The following P2RX7 variants were observed in gnomAD, a reference collection of about 807,000 sequenced individuals.
P2RX7 encodes the protein purinergic receptor P2X 7, also known as P2X purinoceptor 7.
P2RX7 carries 62 observed loss-of-function variants against 71.6 expected under a neutral mutation model. The observed-to-expected ratio is 0.87, with a 90% CI of 0.71 to 1.07. The LOEUF (loss-of-function observed/expected upper bound fraction) is 1.07, where lower values mean the gene tolerates loss of function less well. Among genes scored for constraint, P2RX7 ranks in the 50% least tolerant of loss-of-function variants. The pLI, the probability that P2RX7 is intolerant of heterozygous loss-of-function variation, is 0.00. For synonymous variants in P2RX7, 299 were observed against 283.3 expected (o/e 1.06, Z -0.56); for missense variants, 686 against 748.5 (o/e 0.92, Z 0.97).
rs367612674 is a variant in P2RX7 at position 121,172,498 on chromosome 12, G to A, written c.882-2890G>A. 2.0e-5 allele frequency among the ~76,000 whole-genome samples: 3 copies of A among 152,144 alleles called. No homozygotes were observed. The East Asian group carries it at 5.8e-4, about 29-fold the overall frequency. The stretch of plus-strand genomic sequence containing the variant: ...ATTTTAAAAATTAGTCGGGTGTAAT[G>A]GTTTGCACCTGTAGTCCCAGCTGCC... On this transcript the variant is annotated intron_variant, in intron 8 of 12. Coordinates refer to ENST00000328963, the MANE Select transcript of P2RX7 (RefSeq NM_002562.6).
chr12:121,161,409 T>C (rs986055814), intron 4 of P2RX7, among the ~76,000 whole-genome samples: 2 of 152,190 alleles, frequency 1.3e-5, no homozygotes, highest in Admixed American at 1.3e-4. Context: ...TGCACTGTTT[T>C]ATTTTGATTT....
chr12:121,177,213 G>A lies in P2RX7; in HGVS notation c.1038+1G>A. The A allele has an allele frequency of 1.2e-6, 2 of 1,614,200 alleles. No individual in the cohort carries two copies. The highest frequency in any genetic ancestry group is 1.7e-6 in the Non-Finnish European group (2 of 1,180,044). On this transcript the variant is annotated splice_donor_variant, in intron 10 of 12. Transcript: ENST00000328963. LOFTEE classifies it high-confidence loss of function. The stretch of plus-strand genomic sequence containing the variant: ...CTCAACCCTCTCCTACTTCGGTCTG[G>A]TAAGAGATTCTCTTTTCCATGCTTT...
At chr12:121,168,013 G>A (rs567497972) in intron 8 of P2RX7, among the ~76,000 whole-genome samples, 1 of 151,824 alleles carries the variant, frequency 6.6e-6, no homozygotes, top group South Asian at 2.1e-4. Context: ...CATAGAGGGG[G>A]ATCAAAATCA....
At chr12:121,134,768 C>G (rs534613428) in intron 1 of P2RX7, among the ~76,000 whole-genome samples, 25 of 151,520 alleles carry the variant, frequency 1.6e-4, no homozygotes, top group African/African-American at 5.9e-4. Context: ...TTTGAATTTC[C>G]CTGATGGTGA....
At chr12:121,160,276 T>C (rs1173133469) in intron 3 of P2RX7, among the ~76,000 whole-genome samples, 1 of 152,072 alleles carries the variant, frequency 6.6e-6, no homozygotes, top group Non-Finnish European at 1.5e-5. Flanking sequence ...GCCCCCCTAG[T>C]AGCTGGGATT....
chr12:121,138,196 G>C (rs1035250263), intron 1 of P2RX7, among the ~76,000 whole-genome samples: 5 of 152,242 alleles, frequency 3.3e-5, no homozygotes, highest in African/African-American at 9.6e-5. Flanking sequence ...TGCTGTCCTC[G>C]GACGTGGATG....
intron 11 of P2RX7, among the ~76,000 whole-genome samples, chr12:121,180,081 G>A (rs964370832): frequency 5.4e-5 from 8 of 147,542 alleles, no homozygotes; most frequent in East Asian, 2.0e-4. Flanking sequence ...CCTGGGAGGC[G>A]GAGGTTGCAG....
chr12:121,181,988 TGG>T (rs1056796270), intron 12 of P2RX7, among the ~76,000 whole-genome samples: 5 of 150,686 alleles, frequency 3.3e-5, no homozygotes, highest in African/African-American at 1.2e-4. Context: ...TGCTTGAACC[TGG>T]GAGGCAGAGG....
chr12:121,133,519 G>C (rs964385840), intron 1 of P2RX7, among the ~76,000 whole-genome samples: 2 of 152,202 alleles, frequency 1.3e-5, no homozygotes, highest in African/African-American at 4.8e-5. Context: ...CCTCACCAAC[G>C]TCAGGAAGGC....
At chr12:121,153,355 G>A (rs1877857868) in intron 1 of P2RX7, among the ~76,000 whole-genome samples, 1 of 152,170 alleles carries the variant, frequency 6.6e-6, no homozygotes, top group South Asian at 2.1e-4. Context: ...AATAAATAAA[G>A]TCTGAATGAG....
chr12:121,157,593 G>A (rs1246543795), intron 3 of P2RX7, among the ~76,000 whole-genome samples: 1 of 151,816 alleles, frequency 6.6e-6, no homozygotes, highest in Non-Finnish European at 1.5e-5. Context: ...CCCATCCTTT[G>A]GTCATCTCTA....
At chr12:121,165,987 C>G (rs1231365142) in intron 6 of P2RX7, 71 bp from the exon 7 acceptor site, 1 of 1,516,206 alleles carries the variant, frequency 6.6e-7, no homozygotes, top group Non-Finnish European at 9.0e-7. Flanking sequence ...CACTGGCTCA[C>G]TCCTGGGAAA....
chr12:121,152,760 C>T (rs896867032), intron 1 of P2RX7, among the ~76,000 whole-genome samples: 5 of 152,246 alleles, frequency 3.3e-5, no homozygotes, highest in Non-Finnish European at 5.9e-5. Flanking sequence ...TCAGGTGATC[C>T]ATCCGCCTTG....
intron 1 of P2RX7, among the ~76,000 whole-genome samples, chr12:121,144,491 C>A (rs1235487134): frequency 2.0e-5 from 3 of 152,206 alleles, no homozygotes; most frequent in Admixed American, 6.6e-5. Context: ...AGCCACTGCA[C>A]CCAGCCCTAA....
In P2RX7 at chr12:121,132,924, AGAG is replaced by A. The variant is rs1197188465; in HGVS notation, c.-46_-44del. Reference sequence around the variant, plus strand: ...GGGGCTTGCTGTGGCCCTGTCAGGAAGAGTAGAGCTCTGGTCCAGCTCCGCGCA... The same window carrying A: ...GGGGCTTGCTGTGGCCCTGTCAGGAATAGAGCTCTGGTCCAGCTCCGCGCA... On this transcript the variant is annotated 5_prime_UTR_variant, in exon 1 of 13. Coordinates refer to ENST00000328963, the MANE Select transcript of P2RX7 (RefSeq NM_002562.6). 2 of 1,610,078 alleles carry A rather than the reference AGAG, an allele frequency of 1.2e-6. No individual in the cohort carries two copies. Among genetic ancestry groups the A allele is most frequent in the African/African-American group, 2.7e-5 (2 of 74,922 alleles).
chr12:121,159,350 G>A (rs1879177171), intron 3 of P2RX7, among the ~76,000 whole-genome samples: 1 of 148,930 alleles, frequency 6.7e-6, no homozygotes, highest in Admixed American at 6.7e-5. Flanking sequence ...TCAGGAGGTG[G>A]AGGTTACAGT....
At chr12:121,161,561 G>A (rs1458503102) in intron 4 of P2RX7, among the ~76,000 whole-genome samples, 2 of 151,070 alleles carry the variant, frequency 1.3e-5, no homozygotes, top group Non-Finnish European at 2.9e-5. Flanking sequence ...GGGAGGGTGA[G>A]GCAGATGGAT....
intron 11 of P2RX7, among the ~76,000 whole-genome samples, chr12:121,179,424 C>A (rs747706496): frequency 6.6e-6 from 1 of 150,950 alleles, no homozygotes; most frequent in Non-Finnish European, 1.5e-5. Flanking sequence ...CGCTTGAACC[C>A]AGGAGGTGGA....
chr12:121,162,938 G>T (rs537568084), intron 5 of P2RX7, among the ~76,000 whole-genome samples: 1 of 151,950 alleles, frequency 6.6e-6, no homozygotes, highest in African/African-American at 2.4e-5. Flanking sequence ...AAAGAGAAGG[G>T]GAAGGGGAGG....
Sources: allele counts gnomAD v4.1 joint callset (sites outside exome capture counted in the v4.1 genomes callset), GRCh38; gene constraint gnomAD v4.1.1; transcripts MANE v1.5; gene names NCBI Gene and HGNC (gene_info 2026-07-23, HGNC 2026-07-21).